Variants in RPS6KA3 observed in about 807,000 individuals in gnomAD.
The protein encoded by RPS6KA3 is ribosomal protein S6 kinase A3.
Under a neutral mutation model 67.2 loss-of-function variants are expected in RPS6KA3, and 4 were observed. The observed-to-expected ratio is 0.06, with a 90% CI of 0.03 to 0.14. The LOEUF (loss-of-function observed/expected upper bound fraction) is 0.14, where lower values mean the gene tolerates loss of function less well. Ranked by LOEUF, RPS6KA3 falls within the 10% of genes least tolerant of loss-of-function variation. RPS6KA3 has a pLI of 1.00. For synonymous variants in RPS6KA3, 182 were observed against 183.7 expected, an observed-to-expected ratio of 0.99 and a Z score of 0.07; for missense variants, 204 against 559.0, an observed-to-expected ratio of 0.36 and a Z score of 6.40.
chrX:20,211,684 C>T (rs116750480), intron 2 of RPS6KA3, among the ~76,000 whole-genome samples: 9 of 111,215 alleles, frequency 8.1e-5, no homozygotes, highest in African/African-American at 9.8e-5. Context: ...AGTGCTGTCA[C>T]GTCACACTCT....
At chrX:20,250,532 G>C (rs2069836046) in intron 1 of RPS6KA3, among the ~76,000 whole-genome samples, 1 of 111,533 alleles carries the variant, frequency 9.0e-6, no homozygotes, top group Non-Finnish European at 1.9e-5. Context: ...TCCTCTATTA[G>C]GTGGCTGAGT....
chrX:20,180,834 T>A (rs1041217961), intron 10 of RPS6KA3, among the ~76,000 whole-genome samples: 6 of 111,774 alleles, frequency 5.4e-5, no homozygotes, highest in Non-Finnish European at 9.4e-5. Context: ...TGAGAGGGGG[T>A]CTCATTCTTT....
chrX:20,201,197 G>A (rs1439425142), intron 4 of RPS6KA3, among the ~76,000 whole-genome samples: 1 of 110,994 alleles, frequency 9.0e-6, no homozygotes, highest in African/African-American at 3.3e-5. Flanking sequence ...GTACAGTGGT[G>A]TGATCACAGC....
intron 1 of RPS6KA3, among the ~76,000 whole-genome samples, chrX:20,249,831 AT>A (rs1247251347): frequency 1.8e-5 from 2 of 112,335 alleles, no homozygotes; most frequent in Non-Finnish European, 3.8e-5. Flanking sequence ...TAAATGCTTC[AT>A]TTAGCCCACA....
chrX:20,211,034 A>G (rs927581526), intron 2 of RPS6KA3, among the ~76,000 whole-genome samples: 1 of 110,360 alleles, frequency 9.1e-6, no homozygotes, highest in Non-Finnish European at 1.9e-5. Context: ...AGAACAAAGT[A>G]TATGTGGGAT....
At chrX:20,219,821 G>A (rs952971275) in intron 2 of RPS6KA3, among the ~76,000 whole-genome samples, 1 of 111,911 alleles carries the variant, frequency 8.9e-6, no homozygotes. Context: ...TAAAACAACC[G>A]AAGGACAACA....
At chrX:20,188,084 T>G (rs2068030984) in intron 8 of RPS6KA3, 114 bp from the exon 9 acceptor site, 11 of 735,943 alleles carry the variant, frequency 1.5e-5, no homozygotes, top group Non-Finnish European at 2.2e-5. Context: ...TTTGTTTGTT[T>G]GTTTTTTGAG....
intron 2 of RPS6KA3, among the ~76,000 whole-genome samples, chrX:20,210,259 G>A (rs778265562): frequency 1.3e-4 from 14 of 111,730 alleles, no homozygotes; most frequent in Non-Finnish European, 2.3e-4. Flanking sequence ...AGACACATAC[G>A]GTATGTTATA....
intron 4 of RPS6KA3, 125 bp from the exon 5 acceptor site, chrX:20,195,270 C>G (rs2068243236): frequency 2.2e-6 from 1 of 448,209 alleles, no homozygotes; most frequent in African/African-American, 2.4e-5. Context: ...AATGTTTTAT[C>G]ATTCTTGAAT....
In RPS6KA3 at chrX:20,204,237, T is replaced by G; in HGVS notation, c.244-134A>C. 7.7e-5 allele frequency: 36 copies of G among 467,714 alleles called. No individual in the cohort carries two copies. In the South Asian group the frequency reaches 1.2e-3, roughly 15 times the overall value. The allele number at this position is 467,714 out of a possible 1,213,427, so 38.5% of individuals were successfully genotyped here. ...ATACTGTAGATTATTTCCCCTAAAATGTATCAATTATAAATACTAGTTATA... is the reference window on the plus strand; with the variant it reads ...ATACTGTAGATTATTTCCCCTAAAAGGTATCAATTATAAATACTAGTTATA... On this transcript the variant is annotated intron_variant, in intron 3 of 21. Transcript: ENST00000379565.
At position 20,153,112 on chromosome X, in the gene RPS6KA3, G is replaced by A. The variant is rs777006822; in HGVS notation, c.*2286C>T. 8.9e-6 allele frequency: 1 copy of A among 111,747 alleles called. No homozygotes were observed. Among genetic ancestry groups the A allele is most frequent in the East Asian group, 2.8e-4 (1 of 3,580 alleles). 9.2% of individuals were successfully genotyped at this position (111,747 alleles called of 1,213,427 possible). A position where few individuals can be genotyped will look rare whatever the true frequency, so the allele number is the denominator to read the frequency against. On this transcript the variant is annotated 3_prime_UTR_variant, in exon 22 of 22. Coordinates refer to ENST00000379565, the MANE Select transcript of RPS6KA3 (RefSeq NM_004586.3). ...GACAATACTCCTAAGCAATTACGGA[G>A]TAGCATCAGTGTAAAAAAATCTGAA...
chrX:20,192,451 T>C (rs756240564), intron 7 of RPS6KA3, among the ~76,000 whole-genome samples: 1 of 107,921 alleles, frequency 9.3e-6, no homozygotes, highest in Non-Finnish European at 1.9e-5. Context: ...AAATATCTGA[T>C]CATAGAACTG....
intron 4 of RPS6KA3, among the ~76,000 whole-genome samples, chrX:20,201,670 GCTT>G (rs151291869): frequency 2.8e-3 from 308 of 110,713 alleles, no homozygotes; most frequent in South Asian, 0.019. Context: ...TTAACCTATG[GCTT>G]CTTATTTTAT....
intron 2 of RPS6KA3, among the ~76,000 whole-genome samples, chrX:20,217,225 G>T (rs187742846): frequency 2.8e-3 from 316 of 111,765 alleles, no homozygotes; most frequent in Middle Eastern, 0.018. Flanking sequence ...TACCTCAATG[G>T]TCTTTAAGGT....
chrX:20,200,794 G>A (rs988365120), intron 4 of RPS6KA3, among the ~76,000 whole-genome samples: 4 of 110,615 alleles, frequency 3.6e-5, no homozygotes, highest in African/African-American at 9.9e-5. Flanking sequence ...CGTTCCTCCC[G>A]CTTTAGCCCC....
chrX:20,236,319 T>G (rs750417400), intron 1 of RPS6KA3, among the ~76,000 whole-genome samples: 41 of 112,008 alleles, frequency 3.7e-4, no homozygotes, highest in Non-Finnish European at 4.7e-4. Flanking sequence ...ACACGTAGCT[T>G]CTTCTCTCAT....
intron 2 of RPS6KA3, among the ~76,000 whole-genome samples, chrX:20,213,985 T>C (rs2068783190): frequency 8.9e-6 from 1 of 111,923 alleles, no homozygotes; most frequent in Admixed American, 9.4e-5. Flanking sequence ...AAATTCATGA[T>C]AAATTTTACT....
chrX:20,177,106 T>C, intron 10 of RPS6KA3, 22 bp from the exon 11 acceptor site: 2 of 1,104,890 alleles, frequency 1.8e-6, no homozygotes, highest in Non-Finnish European at 2.5e-6. Context: ...ATCCACATAA[T>C]ATTTTATTTT....
chrX:20,219,691 TC>T (rs2068943418), intron 2 of RPS6KA3, among the ~76,000 whole-genome samples: 2 of 111,755 alleles, frequency 1.8e-5, no homozygotes, highest in South Asian at 7.3e-4. Flanking sequence ...TACCATATAA[TC>T]CCTTACTCCA....
Sources: allele counts gnomAD v4.1 joint callset (sites outside exome capture counted in the v4.1 genomes callset), GRCh38; gene constraint gnomAD v4.1.1; transcripts MANE v1.5; gene names NCBI Gene and HGNC (gene_info 2026-07-23, HGNC 2026-07-21).